GABBR2: variants seen among roughly 807,000 people sequenced by gnomAD.
GABBR2 encodes G-protein coupled receptor 51.
In GABBR2, 23 loss-of-function variants were observed where a neutral mutation model predicts 105.6. The observed-to-expected ratio is 0.22, with a 90% CI of 0.16 to 0.31. GABBR2 has a LOEUF of 0.31. GABBR2 is among the 10% of genes least tolerant of loss of function. The pLI is 1.00. For synonymous variants in GABBR2, 478 were observed against 499.7 expected (o/e 0.96, Z 0.58); for missense variants, 734 against 1,245.5 (o/e 0.59, Z 6.18).
At chr9:98,411,599 C>T (rs1564057295) in intron 7 of GABBR2, among the ~76,000 whole-genome samples, 1 of 151,838 alleles carries the variant, frequency 6.6e-6, no homozygotes, top group Admixed American at 6.6e-5. Flanking sequence ...TATTGCTCTG[C>T]TGCCCAGGCT....
At chr9:98,428,266 G>T (rs1825734766) in intron 7 of GABBR2, among the ~76,000 whole-genome samples, 1 of 152,144 alleles carries the variant, frequency 6.6e-6, no homozygotes, top group Non-Finnish European at 1.5e-5. Flanking sequence ...CCATACCTCA[G>T]AACGGAAGGA....
Position 98,290,597 on chromosome 9 carries a change from A to G in GABBR2, c.2813T>C (p.Val938Ala). ...RHVPPSFRVM[V>A]SGL is the part of the protein sequence containing the mutation. ...GGCCTCCCACCCTTACAGGCCCGAG[A>G]CCATGACTCGGAAGGAGGGTGGCAC... The change falls in exon 19 of 19, where the codon GTC becomes GCC. Residue 938 changes from valine (V) to alanine (A), a missense_variant. Val to Ala is a moderately conservative substitution (Grantham distance 64). This residue lies in a region of GABBR2 where 134 missense variants were observed against 171.2 expected (regional missense o/e 0.78). Coordinates refer to ENST00000259455, the MANE Select transcript of GABBR2 (RefSeq NM_005458.8). The G allele has an allele frequency of 7.1e-7, 1 of 1,403,596 alleles. No homozygotes were observed. Among genetic ancestry groups the G allele is most frequent in the Non-Finnish European group, 9.3e-7 (1 of 1,078,326 alleles). 86.9% of individuals were successfully genotyped at this position (1,403,596 alleles called of 1,614,324 possible). A position where few individuals can be genotyped will look rare whatever the true frequency, so the allele number is the denominator to read the frequency against.
Position 98,416,494 on chromosome 9 carries a change from G to A in GABBR2, c.1237-10353C>T, listed in dbSNP as rs532150570. 2.2e-3 allele frequency among the ~76,000 whole-genome samples: 330 copies of A among 152,322 alleles called. 4 individuals are homozygous for A. Among genetic ancestry groups the A allele is most frequent in the South Asian group, 0.011 (51 of 4,824 alleles). On this transcript the variant is annotated intron_variant, in intron 7 of 18. Coordinates refer to ENST00000259455, the MANE Select transcript of GABBR2 (RefSeq NM_005458.8). ...CCCAGACTCTGTCCTGTTAGCTTCC[G>A]CCAACAGGAGGCTCTGAGGTAGAGT...
intron 13 of GABBR2, among the ~76,000 whole-genome samples, chr9:98,331,503 G>C (rs1831025993): frequency 7.0e-6 from 1 of 142,436 alleles, no homozygotes; most frequent in South Asian, 2.2e-4. Flanking sequence ...TCTAGCACTT[G>C]CCACCTACAC....
chr9:98,664,341 G>C (rs898965030), intron 1 of GABBR2, among the ~76,000 whole-genome samples: 1 of 152,190 alleles, frequency 6.6e-6, no homozygotes. Context: ...AAACCAGATG[G>C]ATCCTGGTGG....
rs190172070 is a variant in GABBR2 at position 98,671,461 on chromosome 9, G to T, written c.321+36956C>A. Among the ~76,000 whole-genome samples, 147 of 152,274 alleles carry T rather than the reference G, an allele frequency of 9.7e-4. No individual in the cohort carries two copies. In the Middle Eastern group the frequency reaches 0.014, roughly 14 times the overall value. ...TTCTAAATAATGCTGCTATGAACATGAATGTACAAGTGTTTAGGTAGACAT... is the reference window on the plus strand; with the variant it reads ...TTCTAAATAATGCTGCTATGAACATTAATGTACAAGTGTTTAGGTAGACAT... On this transcript the variant is annotated intron_variant, in intron 1 of 18. Transcript: ENST00000259455.
chr9:98,356,659 G>A lies in GABBR2; in HGVS notation c.1893+6056C>T, dbSNP rs113275342. Among the ~76,000 whole-genome samples the A allele has an allele frequency of 5.0e-3, 757 of 152,278 alleles. 5 individuals are homozygous for A. The highest frequency in any genetic ancestry group is 0.017 in the African/African-American group (700 of 41,544). On this transcript the variant is annotated intron_variant, in intron 13 of 18. Transcript: ENST00000259455. ...ATATAATCATAACTTGCACTCCTGG[G>A]TATTTATCCAAATGAATTGAAAATT...
rs544985711 is a variant in GABBR2, at chr9:98,313,267, C to T, written c.1894-2062G>A. ...TTCTTGCTCCCAGCCTTGCAATCAA[C>T]CATTTCTCCAAGGAGTCCTTGTTCT... On this transcript the variant is annotated intron_variant, in intron 13 of 18. Transcript: ENST00000259455. 5.3e-5 allele frequency among the ~76,000 whole-genome samples: 8 copies of T among 152,314 alleles called. No individual in the cohort carries two copies. The South Asian group carries it at 1.7e-3, about 32-fold the overall frequency.
chr9:98,603,468 G>A (rs1277023754), intron 1 of GABBR2, among the ~76,000 whole-genome samples: 1 of 152,134 alleles, frequency 6.6e-6, no homozygotes. Context: ...GTTTCCCCTT[G>A]GTTGATATTA....
intron 1 of GABBR2, among the ~76,000 whole-genome samples, chr9:98,659,585 G>A (rs542349460): frequency 2.0e-3 from 267 of 132,254 alleles, no homozygotes; most frequent in Middle Eastern, 0.016. Context: ...GCAGTGGCAC[G>A]ATCTCAGCTC....
At chr9:98,575,008 A>G (rs918998179) in intron 2 of GABBR2, among the ~76,000 whole-genome samples, 3 of 152,196 alleles carry the variant, frequency 2.0e-5, no homozygotes, top group African/African-American at 7.2e-5. Flanking sequence ...TGATAGGCAC[A>G]GGGAAAAAGA....
At chr9:98,474,280 A>C (rs1300301215) in intron 5 of GABBR2, among the ~76,000 whole-genome samples, 1 of 152,148 alleles carries the variant, frequency 6.6e-6, no homozygotes, top group African/African-American at 2.4e-5. Context: ...CCTTCCATTT[A>C]AAGAAAAGTC....
intron 1 of GABBR2, chr9:98,607,011 A>G (rs1829434652): frequency 2.0e-6 from 2 of 982,642 alleles, no homozygotes; most frequent in Non-Finnish European, 3.3e-6. Flanking sequence ...TCAACAGAAG[A>G]CCCCTGAAGG....
At chr9:98,519,687 T>G (rs1003280023) in intron 3 of GABBR2, among the ~76,000 whole-genome samples, 1 of 150,728 alleles carries the variant, frequency 6.6e-6, no homozygotes, top group Admixed American at 6.6e-5. Context: ...CAATAGCCTA[T>G]GCTGGAAACT....
chr9:98,618,486 A>ATCTCTCTCTCTCTCTCTCTCTCTCTC (rs10611275), intron 1 of GABBR2, among the ~76,000 whole-genome samples: 2 of 145,072 alleles, frequency 1.4e-5, no homozygotes, highest in Non-Finnish European at 3.0e-5. Context: ...GGTCTGCTGC[A>ATCTCTCTCTCTCTCTCTCTCTCTCTC]TCTCTCTCTC....
chr9:98,383,298 T>C (rs1052946578), intron 11 of GABBR2, among the ~76,000 whole-genome samples: 2 of 152,202 alleles, frequency 1.3e-5, no homozygotes, highest in African/African-American at 4.8e-5. Flanking sequence ...CAAGGACTTT[T>C]GAGAAGCTCA....
intron 1 of GABBR2, among the ~76,000 whole-genome samples, chr9:98,661,058 A>G (rs1455170543): frequency 6.6e-6 from 1 of 152,176 alleles, no homozygotes; most frequent in East Asian, 1.9e-4. Context: ...GGCATGCGCC[A>G]TTACACCCAG....
chr9:98,463,709 C>T (rs540367782), intron 6 of GABBR2, among the ~76,000 whole-genome samples: 19 of 151,860 alleles, frequency 1.3e-4, no homozygotes, highest in African/African-American at 4.1e-4. Flanking sequence ...GATCTCGGCT[C>T]GCTGCAACCT....
Position 98,389,153 on chromosome 9 carries a change from G to A in GABBR2, c.1379-149C>T, listed in dbSNP as rs945813590. 8.2e-6 allele frequency: 5 copies of A among 612,554 alleles called. No homozygotes were observed. In the South Asian group the frequency reaches 1.2e-4, roughly 15 times the overall value. 37.9% of individuals were successfully genotyped at this position (612,554 alleles called of 1,614,324 possible). A position where few individuals can be genotyped will look rare whatever the true frequency, so the allele number is the denominator to read the frequency against. Reference sequence around the variant, plus strand: ...TCTACCGGGTGAGCCAGATCCGGTGGTTGGCCAGTCTGCTCAACAGGGAGC... The same window carrying A: ...TCTACCGGGTGAGCCAGATCCGGTGATTGGCCAGTCTGCTCAACAGGGAGC... On this transcript the variant is annotated intron_variant, in intron 9 of 18. Transcript: ENST00000259455.
Sources: allele counts gnomAD v4.1 joint callset (sites outside exome capture counted in the v4.1 genomes callset), GRCh38; gene constraint gnomAD v4.1.1; regional missense constraint gnomAD v4.1.1; transcripts MANE v1.5; gene names NCBI Gene and HGNC (gene_info 2026-07-23, HGNC 2026-07-21).